PCGF5: variants seen among roughly 807,000 people sequenced by gnomAD.
The protein encoded by PCGF5 is polycomb group RING finger protein 5.
PCGF5 carries 9 observed loss-of-function variants against 44.3 expected under a neutral mutation model. The ratio of observed to expected loss-of-function variants is 0.20; its 90% CI spans 0.12 to 0.35. PCGF5 has a LOEUF of 0.35. Ranked by LOEUF, PCGF5 falls within the 10% of genes least tolerant of loss-of-function variation. The pLI, the probability that PCGF5 is intolerant of heterozygous loss-of-function variation, is 1.00. For synonymous variants in PCGF5, 95 were observed against 102.5 expected (o/e 0.93, Z 0.44); for missense variants, 146 against 305.3 (o/e 0.48, Z 3.89).
At chr10:91,168,280 T>C (rs1589345665) in intron 1 of PCGF5, among the ~76,000 whole-genome samples, 2 of 151,636 alleles carry the variant, frequency 1.3e-5, no homozygotes, top group Middle Eastern at 3.4e-3. Flanking sequence ...TAGGAGGAGG[T>C]AGACAGGATG....
upstream of PCGF5, among the ~76,000 whole-genome samples, chr10:91,218,759 AG>A (rs1844596753): frequency 6.6e-6 from 1 of 152,026 alleles, no homozygotes; most frequent in Non-Finnish European, 1.5e-5. Context: ...CTGCCTCCTG[AG>A]TAGCTGGGAC....
At chr10:91,162,739 G>A (rs1332969477), upstream of PCGF5, among the ~76,000 whole-genome samples, 1 of 151,418 alleles carries the variant, frequency 6.6e-6, no homozygotes, top group East Asian at 2.0e-4. Context: ...GGCCTGGCGG[G>A]CGGCGGCGAG....
intron 1 of PCGF5, among the ~76,000 whole-genome samples, chr10:91,191,831 T>C (rs1396638540): frequency 6.6e-6 from 1 of 152,212 alleles, no homozygotes; most frequent in Non-Finnish European, 1.5e-5. Flanking sequence ...TGAGCATTCA[T>C]GTTGGATCCA....
chr10:91,197,926 C>T (rs923012531), intron 1 of PCGF5, among the ~76,000 whole-genome samples: 4 of 152,134 alleles, frequency 2.6e-5, no homozygotes, highest in African/African-American at 9.7e-5. Flanking sequence ...TCCTGGTTCT[C>T]AAGATGTTTC....
chr10:91,190,194 G>A (rs570615401), intron 1 of PCGF5, among the ~76,000 whole-genome samples: 4 of 152,296 alleles, frequency 2.6e-5, no homozygotes, highest in South Asian at 4.1e-4. Context: ...GAAGGGACTC[G>A]CTGGCTTTCT....
chr10:91,238,597 C>CTTTT (rs1845234144), intron 2 of PCGF5, among the ~76,000 whole-genome samples: 3 of 60,938 alleles, frequency 4.9e-5, no homozygotes, highest in South Asian at 6.0e-4. Context: ...TTCTTTCTTT[C>CTTTT]TTTCTTTTTT....
Position 91,279,392 on chromosome 10 carries a change from G to T in PCGF5, c.*1076G>T, listed in dbSNP as rs1846394099. 1 of 152,146 alleles carries T rather than the reference G, an allele frequency of 6.6e-6. No individual in the cohort carries two copies. The highest frequency in any genetic ancestry group is 1.5e-5 in the Non-Finnish European group (1 of 68,022). 9.4% of individuals were successfully genotyped at this position (152,146 alleles called of 1,614,324 possible). A position where few individuals can be genotyped will look rare whatever the true frequency, so the allele number is the denominator to read the frequency against. On this transcript the variant is annotated 3_prime_UTR_variant, in exon 10 of 10. Transcript: ENST00000336126. ...ATGTGCATAAAATAGAATAAATGCA[G>T]TATAGAACTATGCTAACCAAAATTA...
At chr10:91,196,858 AT>A (rs1238203434) in intron 1 of PCGF5, among the ~76,000 whole-genome samples, 1 of 152,144 alleles carries the variant, frequency 6.6e-6, no homozygotes, top group African/African-American at 2.4e-5. Context: ...AGCCAGTGAA[AT>A]CACTTACTAG....
At chr10:91,238,230 C>G (rs923432616) in intron 2 of PCGF5, among the ~76,000 whole-genome samples, 4 of 152,212 alleles carry the variant, frequency 2.6e-5, no homozygotes, top group African/African-American at 9.7e-5. Flanking sequence ...CAGTCCAGAT[C>G]TAGAATATAG....
intron 6 of PCGF5, among the ~76,000 whole-genome samples, chr10:91,260,704 AC>A: frequency 6.6e-6 from 1 of 151,806 alleles, no homozygotes; most frequent in African/African-American, 2.4e-5. Flanking sequence ...GCAAACTATC[AC>A]AAGGACAAAA....
At chr10:91,177,750 C>T (rs775972175) in intron 1 of PCGF5, among the ~76,000 whole-genome samples, 6 of 152,134 alleles carry the variant, frequency 3.9e-5, no homozygotes, top group Non-Finnish European at 7.3e-5. Context: ...CTAAGACCGT[C>T]GGAAAAGTGC....
chr10:91,250,436 C>T (rs533269623), intron 5 of PCGF5, among the ~76,000 whole-genome samples: 2 of 150,038 alleles, frequency 1.3e-5, no homozygotes, highest in East Asian at 3.9e-4. Context: ...TTTATTGTCT[C>T]TTTTATATGT....
intron 6 of PCGF5, among the ~76,000 whole-genome samples, chr10:91,252,033 T>G (rs900795643): frequency 3.3e-5 from 5 of 152,046 alleles, no homozygotes; most frequent in African/African-American, 1.2e-4. Context: ...TAGAGGATCT[T>G]TATAGGAAGT....
intron 6 of PCGF5, among the ~76,000 whole-genome samples, chr10:91,254,234 G>A (rs995295645): frequency 1.4e-5 from 2 of 147,822 alleles, no homozygotes; most frequent in African/African-American, 5.0e-5. Context: ...GTGTGTGTTG[G>A]AAACCATATA....
chr10:91,195,769 AT>A lies in PCGF5; in HGVS notation c.-183-26919del. On this transcript the variant is annotated intron_variant, in intron 1 of 9. Coordinates refer to the PCGF5 transcript ENST00000614189. Reference sequence around the variant, plus strand: ...TTTTTTTTAATGAAATTTAAATGCTATCTTAGACTGGTTCTTTAAAGTAGCA... The same window carrying A: ...TTTTTTTTAATGAAATTTAAATGCTACTTAGACTGGTTCTTTAAAGTAGCA... Among the ~76,000 whole-genome samples, 3 of 151,584 alleles carry A rather than the reference AT, an allele frequency of 2.0e-5. 1 individual carries two copies. The highest frequency in any genetic ancestry group is 2.0e-4 in the Admixed American group (3 of 15,234).
At chr10:91,259,589 C>A (rs1845843366) in intron 6 of PCGF5, among the ~76,000 whole-genome samples, 1 of 152,088 alleles carries the variant, frequency 6.6e-6, no homozygotes, top group African/African-American at 2.4e-5. Context: ...GCTACAGTAA[C>A]CAAAACAGCA....
chr10:91,230,308 G>A (rs1005043191), intron 2 of PCGF5, among the ~76,000 whole-genome samples: 13 of 152,238 alleles, frequency 8.5e-5, no homozygotes, highest in African/African-American at 3.1e-4. Flanking sequence ...ATCATGATCA[G>A]TATACAGGTA....
chr10:91,212,888 T>C (rs1017068551), intron 1 of PCGF5, among the ~76,000 whole-genome samples: 2 of 152,202 alleles, frequency 1.3e-5, no homozygotes, highest in Admixed American at 1.3e-4. Context: ...TCTGAATAAG[T>C]TGTGCTTCAG....
intron 2 of PCGF5, among the ~76,000 whole-genome samples, chr10:91,226,984 A>C (rs1427829379): frequency 6.6e-6 from 1 of 152,156 alleles, no homozygotes; most frequent in Admixed American, 6.6e-5. Context: ...ATCACTTAAT[A>C]CTAGATGAAC....
Sources: gnomAD v4.1 joint callset for allele counts (sites outside exome capture counted in the v4.1 genomes callset) on GRCh38, gnomAD v4.1.1 for gene constraint, MANE v1.5 for transcripts, NCBI Gene and HGNC (gene_info 2026-07-23, HGNC 2026-07-21) for gene names.